The following ANKRD13A variants were observed in gnomAD, a reference collection of about 807,000 sequenced individuals.
The protein encoded by ANKRD13A is ankyrin repeat domain-containing protein 13A.
A neutral mutation model predicts 81.3 loss-of-function variants in ANKRD13A; 48 were observed. The ratio of observed to expected loss-of-function variants is 0.59; its 90% CI spans 0.47 to 0.75. The LOEUF (loss-of-function observed/expected upper bound fraction) is 0.75, where lower values mean the gene tolerates loss of function less well. ANKRD13A is among the 30% of genes least tolerant of loss of function. The probability of loss-of-function intolerance (pLI) is 0.00; values close to 1 mark genes in which losing one functional copy is unlikely to be tolerated. For synonymous variants in ANKRD13A, 230 were observed against 270.1 expected (o/e 0.85, Z 1.45); for missense variants, 612 against 734.0 (o/e 0.83, Z 1.92).
chr12:110,025,646 T>G (rs1891278783), intron 7 of ANKRD13A, 96 bp from the exon 8 acceptor site: 2 of 846,008 alleles, frequency 2.4e-6, no homozygotes, highest in East Asian at 5.1e-5. Context: ...GCTGGATTGT[T>G]TTCTGTTTTT....
chr12:110,022,603 T>C (rs1172510117), intron 6 of ANKRD13A: 1 of 152,160 alleles, frequency 6.6e-6, no homozygotes, highest in Admixed American at 6.5e-5. Context: ...GGAGCAGACG[T>C]AATCATCTTT....
chr12:110,016,104 A>C (rs1010705662), intron 3 of ANKRD13A, among the ~76,000 whole-genome samples: 1 of 151,668 alleles, frequency 6.6e-6, no homozygotes, highest in Non-Finnish European at 1.5e-5. Flanking sequence ...GCGAGCCACC[A>C]TAGCCAGCTA....
intron 4 of ANKRD13A, among the ~76,000 whole-genome samples, chr12:110,016,877 A>G (rs1329909351): frequency 6.6e-6 from 1 of 152,022 alleles, no homozygotes; most frequent in African/African-American, 2.4e-5. Context: ...GATTCAAGCG[A>G]TTCTCATGCC....
intron 11 of ANKRD13A, 62 bp downstream of exon 11, chr12:110,029,697 T>A (rs961723843): frequency 6.3e-7 from 1 of 1,581,614 alleles, no homozygotes; most frequent in African/African-American, 1.3e-5. Flanking sequence ...GGTGGCAGCA[T>A]GTGGGTGGCA....
In ANKRD13A at chr12:110,014,789, C is replaced by CT. The variant is rs761398140; in HGVS notation, c.354+1552dup. 2.5e-3 allele frequency among the ~76,000 whole-genome samples: 337 copies of CT among 135,558 alleles called. 4 individuals carry two copies. Among genetic ancestry groups the CT allele is most frequent in the South Asian group, 5.0e-3 (22 of 4,376 alleles). 88.9% of individuals were successfully genotyped at this position (135,558 alleles called of 152,430 possible). On this transcript the variant is annotated intron_variant, in intron 3 of 14. Transcript: ENST00000261739. ...ACCTGGAATTTCTAGCATTTCTCTT[C>CT]TTTTTTTTTTTTGAGACGGAATCTC...
In ANKRD13A at chr12:110,019,268, G is replaced by A. The variant is rs745337377; in HGVS notation, c.674G>A (p.Arg225Gln). Residue 225 changes from arginine to glutamine, a missense_variant, in exon 6 of 15, where the codon CGG becomes CAG. Coordinates refer to ENST00000261739, the MANE Select transcript of ANKRD13A (RefSeq NM_033121.2). ...LMKPKSREVE[R>Q]RLTSPVINTS... Reference sequence around the variant, plus strand: ...AAGCCAAAAAGCAGGGAAGTTGAGCGGCGGCTCACAAGCCCTGTCATTAAC... The same window carrying A: ...AAGCCAAAAAGCAGGGAAGTTGAGCAGCGGCTCACAAGCCCTGTCATTAAC... 189 of 1,613,882 alleles carry A rather than the reference G, an allele frequency of 1.2e-4. No homozygotes were observed. The highest frequency in any genetic ancestry group is 1.6e-4 in the Middle Eastern group (1 of 6,082).
chr12:110,030,103 A>C (rs1346389243), intron 11 of ANKRD13A, among the ~76,000 whole-genome samples: 1 of 152,150 alleles, frequency 6.6e-6, no homozygotes, highest in Admixed American at 6.6e-5. Flanking sequence ...TTGTATGTTC[A>C]TGATACTTGA....
intron 6 of ANKRD13A, among the ~76,000 whole-genome samples, chr12:110,023,441 T>C (rs1891171855): frequency 6.6e-6 from 1 of 152,188 alleles, no homozygotes; most frequent in African/African-American, 2.4e-5. Context: ...AATCTGTTTT[T>C]CACATCCTTT....
chr12:110,012,518 C>G (rs916759425), intron 2 of ANKRD13A, among the ~76,000 whole-genome samples: 2 of 152,060 alleles, frequency 1.3e-5, no homozygotes, highest in African/African-American at 4.8e-5. Flanking sequence ...AGGTTGCGTC[C>G]CAGGCCAGAA....
In ANKRD13A at chr12:109,999,655, C is replaced by A; in HGVS notation, c.-34C>A. ...ACCCCGCCGGGGCCGAGACTTGGGGCGGGCGACGAGGACCAGGTTACGGCC... is the reference window on the plus strand; with the variant it reads ...ACCCCGCCGGGGCCGAGACTTGGGGAGGGCGACGAGGACCAGGTTACGGCC... On this transcript the variant is annotated 5_prime_UTR_variant, in exon 1 of 15. Transcript: ENST00000261739. This position sits in a 1 kb window ranked among gnomAD's most constrained non-coding sequence, Gnocchi z 4.3. The A allele has an allele frequency of 6.7e-7, 1 of 1,492,404 alleles. No homozygotes were observed. The highest frequency in any genetic ancestry group is 9.0e-7 in the Non-Finnish European group (1 of 1,115,266). 92.4% of individuals were successfully genotyped at this position (1,492,404 alleles called of 1,614,324 possible).
intron 1 of ANKRD13A, among the ~76,000 whole-genome samples, chr12:110,009,300 C>T (rs1418390189): frequency 2.0e-5 from 3 of 152,130 alleles, no homozygotes; most frequent in Non-Finnish European, 2.9e-5. Context: ...AGGCTGGTCT[C>T]GAACTCCCGA....
chr12:110,037,139 C>T (rs564585595), intron 14 of ANKRD13A, among the ~76,000 whole-genome samples: 2 of 152,144 alleles, frequency 1.3e-5, no homozygotes, highest in Non-Finnish European at 2.9e-5. Context: ...GTTCAATTCC[C>T]AGCCCTATCA....
chr12:110,021,425 CTTTT>C (rs59262099), intron 6 of ANKRD13A: 46 of 130,132 alleles, frequency 3.5e-4, no homozygotes, highest in South Asian at 1.2e-3. Flanking sequence ...TTTTTTCTTT[CTTTT>C]TTTTTTTTTT....
chr12:110,037,332 TC>T lies in ANKRD13A; in HGVS notation c.1578-24del, dbSNP rs1386617195. ...ACCATGATGATGATAGTAGTGACTCTCCCTTTTTATCTGTTTTCCAACCCAG... is the reference window on the plus strand; with the variant it reads ...ACCATGATGATGATAGTAGTGACTCTCCTTTTTATCTGTTTTCCAACCCAG... On this transcript the variant is annotated intron_variant, in intron 14 of 14. Coordinates refer to ENST00000261739, the MANE Select transcript of ANKRD13A (RefSeq NM_033121.2). 2.5e-6 allele frequency: 4 copies of T among 1,598,630 alleles called. No homozygotes were observed. In the Admixed American group the frequency reaches 6.9e-5, roughly 28 times the overall value.
In ANKRD13A at chr12:110,011,996, C is replaced by T; in HGVS notation, c.97-9C>T. 6.3e-7 allele frequency: 1 copy of T among 1,589,706 alleles called. No homozygotes were observed. The highest frequency in any genetic ancestry group is 8.6e-7 in the Non-Finnish European group (1 of 1,160,346). On this transcript the variant is annotated splice_polypyrimidine_tract_variant and intron_variant, in intron 1 of 14. Coordinates refer to ENST00000261739, the MANE Select transcript of ANKRD13A (RefSeq NM_033121.2). ...TCCAATTATGTAAATGCCAGTGTTT[C>T]CTTCACAGAATGTGGAGGCTGTGGA...
chr12:110,023,054 A>G (rs563972820), intron 6 of ANKRD13A, among the ~76,000 whole-genome samples: 49 of 152,344 alleles, frequency 3.2e-4, no homozygotes, highest in Non-Finnish European at 5.4e-4. Context: ...ATAACCGCAT[A>G]TGTTCTTTGT....
intron 1 of ANKRD13A, among the ~76,000 whole-genome samples, chr12:110,011,418 C>T (rs117102604): frequency 5.3e-5 from 8 of 152,240 alleles, no homozygotes; most frequent in East Asian, 1.9e-4. Context: ...CATACGTGCC[C>T]GGCAGATCAT....
At chr12:110,003,832 G>A (rs1890103551) in intron 1 of ANKRD13A, among the ~76,000 whole-genome samples, 1 of 152,050 alleles carries the variant, frequency 6.6e-6, no homozygotes, top group Non-Finnish European at 1.5e-5. Context: ...AGACCAGCCT[G>A]GCCAATATAG....
rs962018660 is a variant in ANKRD13A, at chr12:110,038,975, C to T, written c.*1421C>T. ...AGGAAGAGAAACATAACTACTGTTC[C>T]AGGTAACGTCTGTATCATACAGTTA... On this transcript the variant is annotated 3_prime_UTR_variant, in exon 15 of 15. Transcript: ENST00000261739. 1.3e-5 allele frequency: 2 copies of T among 152,206 alleles called. No homozygotes were observed. The highest frequency in any genetic ancestry group is 3.9e-4 in the East Asian group (2 of 5,184). 9.4% of individuals were successfully genotyped at this position (152,206 alleles called of 1,614,324 possible).
Sources: allele counts gnomAD v4.1 joint callset (sites outside exome capture counted in the v4.1 genomes callset), GRCh38; gene constraint gnomAD v4.1.1; non-coding constraint Gnocchi (gnomAD v3.1); transcripts MANE v1.5; gene names NCBI Gene and HGNC (gene_info 2026-07-23, HGNC 2026-07-21).